OXER1: variants seen among roughly 807,000 people sequenced by gnomAD.
OXER1 encodes the protein 5-oxo-ETE G-protein coupled receptor.
For missense variants in OXER1, 587 were observed against 551.7 expected (o/e 1.06, Z -0.64); for synonymous variants, 258 against 245.8 (o/e 1.05, Z -0.47).
the OXER1 span, chr2:42,763,321 G>GC: frequency 6.2e-7 from 1 of 1,613,020 alleles, no homozygotes; most frequent in Non-Finnish European, 8.5e-7. The surrounding 1 kb of genome is among the most constrained non-coding windows in gnomAD (Gnocchi z 4.4). Flanking sequence ...GGGCCTGCCT[G>GC]CCCGCCCAGA....
At position 42,763,059 on chromosome 2, in the gene OXER1, C is replaced by G. The variant is rs767104653; in HGVS notation, c.1121G>C (p.Arg374Pro). The change falls in exon 1 of 1, where the codon CGG becomes CCG. Residue 374 changes from arginine to proline, a missense_variant. By Grantham distance (103) the Arg-to-Pro change is moderately radical (BLOSUM62 -2). Transcript: ENST00000378661. This position sits in a 1 kb window ranked among gnomAD's most constrained non-coding sequence, Gnocchi z 4.4. ...GTCGCTCACTGGGCCCTGCCGGCCC[C>G]GCGTGAGGCCCAGCAAGGCCCGGCT... 6.2e-7 allele frequency: 1 copy of G among 1,614,110 alleles called. No homozygotes were observed. Among genetic ancestry groups the G allele is most frequent in the South Asian group, 1.1e-5 (1 of 91,084 alleles).
rs200615729 is a variant in OXER1, at chr2:42,763,244, G to C, written c.936C>G (p.Ile312Met). The change falls in exon 1 of 1, where the codon ATC becomes ATG. Residue 312 changes from isoleucine (I) to methionine (M), a missense_variant. Coordinates refer to ENST00000378661, the Ensembl canonical transcript of OXER1. This position sits in a 1 kb window ranked among gnomAD's most constrained non-coding sequence, Gnocchi z 4.4. ...CCACCATGGAAGCCATGCCAAAGATGATGCTGGGCAAGAAGCAGATGGTGT... is the reference window on the plus strand; with the variant it reads ...CCACCATGGAAGCCATGCCAAAGATCATGCTGGGCAAGAAGCAGATGGTGT... The C allele has an allele frequency of 5.5e-5, 89 of 1,612,122 alleles. No homozygotes were observed. Among genetic ancestry groups the C allele is most frequent in the Non-Finnish European group, 6.4e-5 (75 of 1,179,312 alleles).
Position 42,763,926 on chromosome 2 carries a change from G to A in OXER1, c.254C>T (p.Pro85Leu). 2 of 1,613,908 alleles carry A rather than the reference G, an allele frequency of 1.2e-6. No individual in the cohort carries two copies. The highest frequency in any genetic ancestry group is 1.7e-6 in the Non-Finnish European group (2 of 1,180,004). The change falls in exon 1 of 1, where the codon CCC becomes CTC. Residue 85 changes from proline (P) to leucine (L), a missense_variant. Pro to Leu is a moderately conservative substitution (Grantham distance 98). Coordinates refer to ENST00000378661, the Ensembl canonical transcript of OXER1. The surrounding 1 kb of genome is among the most constrained non-coding windows in gnomAD (Gnocchi z 4.4). Reference sequence around the variant, plus strand: ...GGCAGACACCAGCGAGGAAGAGGTGGGGTGGCAGGGCCCTCCAGAGGACCC... The same window carrying A: ...GGCAGACACCAGCGAGGAAGAGGTGAGGTGGCAGGGCCCTCCAGAGGACCC...
chr2:42,762,842 C>G, exon 1 of OXER1: 1 of 1,508,968 alleles, frequency 6.6e-7, no homozygotes, highest in East Asian at 2.3e-5. Flanking sequence ...GTGTGCTGGC[C>G]TTGTCCCTCC....
In OXER1 at chr2:42,763,891, G is replaced by A. The variant is rs781570920; in HGVS notation, c.289C>T (p.Pro97Ser). ...AGGACAAACTCCAGGGCCAGGATTG[G>A]TGCCAGGAAGGCAGACACCAGCGAG... Residue 97 changes from proline to serine, a missense_variant, in exon 1 of 1, where the codon CCA (proline) becomes TCA (serine). By Grantham distance (74) the Pro-to-Ser change is moderately conservative. Coordinates refer to ENST00000378661, the Ensembl canonical transcript of OXER1. This position sits in a 1 kb window ranked among gnomAD's most constrained non-coding sequence, Gnocchi z 4.4. The A allele has an allele frequency of 6.2e-6, 10 of 1,614,002 alleles. No homozygotes were observed. The Admixed American group carries it at 1.5e-4, about 24-fold the overall frequency.
In OXER1 at chr2:42,763,642, C is replaced by T. The variant is rs200764134; in HGVS notation, c.538G>A (p.Val180Ile). 64 of 1,613,742 alleles carry T rather than the reference C, an allele frequency of 4.0e-5. 1 individual carries two copies. Among genetic ancestry groups the T allele is most frequent in the Non-Finnish European group, 4.8e-5 (57 of 1,179,870 alleles). ...AGTGCGATGGCTGTGAGGAAGACAA[C>T]GCTGGCCGTGCGGTTGGTGGACAGC... The change falls in exon 1 of 1, where the codon GTT becomes ATT. Residue 180 changes from valine to isoleucine, a missense_variant. Transcript: ENST00000378661. The surrounding 1 kb of genome is among the most constrained non-coding windows in gnomAD (Gnocchi z 4.4).
chr2:42,763,126 G>A lies in OXER1; in HGVS notation c.1054C>T (p.Pro352Ser). 1 of 1,614,168 alleles carries A rather than the reference G, an allele frequency of 6.2e-7. No homozygotes were observed. Among genetic ancestry groups the A allele is most frequent in the East Asian group, 2.2e-5 (1 of 44,878 alleles). The change falls in exon 1 of 1, where the codon CCC becomes TCC. Residue 352 changes from proline (P) to serine (S), a missense_variant. Physicochemically the swap from Pro to Ser is moderately conservative, Grantham distance 74 (BLOSUM62 -1). Transcript: ENST00000378661. The surrounding 1 kb of genome is among the most constrained non-coding windows in gnomAD (Gnocchi z 4.4). The stretch of plus-strand genomic sequence containing the variant: ...GGGCTAGAGAAGCAGTAGAGCACGG[G>A]GTCCAGGACACTGTTGAGGTAGGTG...
Position 42,763,365 on chromosome 2 carries a change from A to G in OXER1, c.815T>C (p.Ile272Thr), listed in dbSNP as rs779517471. Residue 272 changes from isoleucine (I) to threonine (T), a missense_variant, in exon 1 of 1, where the codon ATT becomes ACT. Transcript: ENST00000378661. The surrounding 1 kb of genome is among the most constrained non-coding windows in gnomAD (Gnocchi z 4.4). ...CCGGATGGTGAGCCCAATGCTCACA[A>G]TAGCAAAGAGGATGAGCGCCAGTGG... 6.2e-6 allele frequency: 10 copies of G among 1,611,064 alleles called. No individual in the cohort carries two copies. The Admixed American group carries it at 6.7e-5, about 11-fold the overall frequency.
Position 42,763,877 on chromosome 2 carries a change from C to T in OXER1, c.303G>A (p.Leu101=), listed in dbSNP as rs758310907. The T allele has an allele frequency of 2.5e-6, 4 of 1,613,960 alleles. No individual in the cohort carries two copies. In the East Asian group the frequency reaches 6.7e-5, roughly 27 times the overall value. ...TCCCCACCAGGCCCAGGACAAACTC[C>T]AGGGCCAGGATTGGTGCCAGGAAGG... Residue 101 remains leucine (L), a synonymous_variant, in exon 1 of 1, where the codon CTG becomes CTA. Coordinates refer to ENST00000378661, the Ensembl canonical transcript of OXER1. The surrounding 1 kb of genome is among the most constrained non-coding windows in gnomAD (Gnocchi z 4.4).
In OXER1 at chr2:42,763,100, G is replaced by T. The variant is rs1670515352; in HGVS notation, c.1080C>A (p.Pro360=). Residue 360 remains proline (P), a synonymous_variant, in exon 1 of 1, where the codon CCC becomes CCA. Transcript: ENST00000378661. This position sits in a 1 kb window ranked among gnomAD's most constrained non-coding sequence, Gnocchi z 4.4. ...AGGCCCGGCTCTGGTGGAGGAAGTT[G>T]GGGCTAGAGAAGCAGTAGAGCACGG... 7 of 1,614,068 alleles carry T rather than the reference G, an allele frequency of 4.3e-6. No homozygotes were observed. The highest frequency in any genetic ancestry group is 5.9e-6 in the Non-Finnish European group (7 of 1,180,032).
In OXER1 at chr2:42,763,079, C is replaced by T. The variant is rs747117114; in HGVS notation, c.1101G>A (p.Arg367=). ...GGCCCCGCGTGAGGCCCAGCAAGGC[C>T]CGGCTCTGGTGGAGGAAGTTGGGGC... Residue 367 remains arginine, a synonymous_variant, in exon 1 of 1, where the codon CGG becomes CGA. Transcript: ENST00000378661. The surrounding 1 kb of genome is among the most constrained non-coding windows in gnomAD (Gnocchi z 4.4). The T allele has an allele frequency of 6.2e-7, 1 of 1,614,142 alleles. No individual in the cohort carries two copies. The highest frequency in any genetic ancestry group is 1.1e-5 in the South Asian group (1 of 91,086).
rs144634528 is a variant in OXER1, at chr2:42,763,097, G to C, written c.1083C>G (p.Asn361Lys). 766 of 1,614,184 alleles carry C rather than the reference G, an allele frequency of 4.7e-4. 4 individuals carry two copies. In the African/African-American group the frequency reaches 8.1e-3, roughly 17 times the overall value. ...GCAAGGCCCGGCTCTGGTGGAGGAA[G>C]TTGGGGCTAGAGAAGCAGTAGAGCA... Residue 361 changes from asparagine to lysine, a missense_variant, in exon 1 of 1, where the codon AAC becomes AAG. By Grantham distance (94) the Asn-to-Lys change is moderately conservative. Coordinates refer to ENST00000378661, the Ensembl canonical transcript of OXER1. This position sits in a 1 kb window ranked among gnomAD's most constrained non-coding sequence, Gnocchi z 4.4.
rs1401274119 is a variant in OXER1, at chr2:42,763,502, G to A, written c.678C>T (p.His226=). 1.3e-6 allele frequency: 2 copies of A among 1,555,110 alleles called. No homozygotes were observed. The highest frequency in any genetic ancestry group is 1.7e-6 in the Non-Finnish European group (2 of 1,149,640). Residue 226 remains histidine, a synonymous_variant, in exon 1 of 1, where the codon CAC becomes CAT. Coordinates refer to ENST00000378661, the Ensembl canonical transcript of OXER1. This position sits in a 1 kb window ranked among gnomAD's most constrained non-coding sequence, Gnocchi z 4.4. ...GGCCGGAGAAGGTGCTCAGGAGCAG[G>A]TGCCCGTTGAGGAGCAGGATGCCCA...
Position 42,763,493 on chromosome 2 carries a change from C to G in OXER1, c.687G>C (p.Leu229=). 3.2e-6 allele frequency: 5 copies of G among 1,555,774 alleles called. No homozygotes were observed. Among genetic ancestry groups the G allele is most frequent in the Non-Finnish European group, 4.3e-6 (5 of 1,149,946 alleles). Reference sequence around the variant, plus strand: ...GGCAGGAGGGGCCGGAGAAGGTGCTCAGGAGCAGGTGCCCGTTGAGGAGCA... The same window carrying G: ...GGCAGGAGGGGCCGGAGAAGGTGCTGAGGAGCAGGTGCCCGTTGAGGAGCA... The change falls in exon 1 of 1, where the codon CTG becomes CTC. Residue 229 remains leucine (L), a synonymous_variant. Coordinates refer to ENST00000378661, the Ensembl canonical transcript of OXER1. This position sits in a 1 kb window ranked among gnomAD's most constrained non-coding sequence, Gnocchi z 4.4.
At position 42,763,077 on chromosome 2, in the gene OXER1, G is replaced by A. The variant is rs76606481; in HGVS notation, c.1103C>T (p.Ala368Val). ...CCGGCCCCGCGTGAGGCCCAGCAAG[G>A]CCCGGCTCTGGTGGAGGAAGTTGGG... Residue 368 changes from alanine (A) to valine (V), a missense_variant, in exon 1 of 1, where the codon GCC (alanine) becomes GTC (valine). Physicochemically the swap from Ala to Val is moderately conservative, Grantham distance 64 (BLOSUM62 0). Transcript: ENST00000378661. The surrounding 1 kb of genome is among the most constrained non-coding windows in gnomAD (Gnocchi z 4.4). The A allele has an allele frequency of 4.5e-3, 7,190 of 1,614,140 alleles. 297 individuals carry two copies. The African/African-American group carries it at 0.084, about 19-fold the overall frequency.
rs772733368 is a variant in OXER1, at chr2:42,763,907, C to T, written c.273G>A (p.Val91=). 6.2e-7 allele frequency: 1 copy of T among 1,613,832 alleles called. No homozygotes were observed. The highest frequency in any genetic ancestry group is 8.5e-7 in the Non-Finnish European group (1 of 1,180,014). The change falls in exon 1 of 1, where the codon GTG becomes GTA. Residue 91 remains valine, a synonymous_variant. Transcript: ENST00000378661. This position sits in a 1 kb window ranked among gnomAD's most constrained non-coding sequence, Gnocchi z 4.4. ...CCAGGATTGGTGCCAGGAAGGCAGA[C>T]ACCAGCGAGGAAGAGGTGGGGTGGC... is the stretch of plus-strand genomic sequence containing the variant.
In OXER1 at chr2:42,762,677, C is replaced by A. The variant is rs554192566; in HGVS notation, c.*231G>T. The A allele has an allele frequency of 5.7e-5, 31 of 542,714 alleles. No homozygotes were observed. In the East Asian group the frequency reaches 9.1e-4, roughly 16 times the overall value. The allele number at this position is 542,714 out of a possible 1,614,324, so 33.6% of individuals were successfully genotyped here. ...CGGCACCTTGCCTGTCTCCTCCACC[C>A]GGCATCCTGCTCTCCCCTGCATTCT... On this transcript the variant is annotated 3_prime_UTR_variant, in exon 1 of 1. Coordinates refer to ENST00000378661, the Ensembl canonical transcript of OXER1.
chr2:42,763,567 A>C lies in OXER1; in HGVS notation c.613T>G (p.Ser205Ala). The C allele has an allele frequency of 1.3e-6, 2 of 1,580,576 alleles. No homozygotes were observed. Among genetic ancestry groups the C allele is most frequent in the Non-Finnish European group, 1.7e-6 (2 of 1,163,800 alleles). The change falls in exon 1 of 1, where the codon TCC becomes GCC. Residue 205 changes from serine to alanine, a missense_variant. By Grantham distance (99) the Ser-to-Ala change is moderately conservative (BLOSUM62 1). Transcript: ENST00000378661. The surrounding 1 kb of genome is among the most constrained non-coding windows in gnomAD (Gnocchi z 4.4). ...GCCACCCGGGCAGCTGCCCCCACGG[A>C]AGCACGGCTCAGCACGTGGTGGGGC...
rs191543274 is a variant in OXER1 at position 42,763,428 on chromosome 2, C to T, written c.752G>A (p.Arg251His). ...CAGCAGGTACAGTGCCTGGTGCCAGCGGAGCGAGGCCGAGGGCTTCGTGCC... is the reference window on the plus strand; with the variant it reads ...CAGCAGGTACAGTGCCTGGTGCCAGTGGAGCGAGGCCGAGGGCTTCGTGCC... Residue 251 changes from arginine to histidine, a missense_variant, in exon 1 of 1, where the codon CGC (arginine) becomes CAC (histidine). Arg to His is a conservative substitution (Grantham distance 29). Coordinates refer to ENST00000378661, the Ensembl canonical transcript of OXER1. This position sits in a 1 kb window ranked among gnomAD's most constrained non-coding sequence, Gnocchi z 4.4. 2.3e-4 allele frequency: 360 copies of T among 1,580,704 alleles called. 3 individuals are homozygous for T. The South Asian group carries it at 3.3e-3, about 14-fold the overall frequency.
Sources: gnomAD v4.1 joint callset for allele counts on GRCh38, gnomAD v4.1.1 for gene constraint, Gnocchi (gnomAD v3.1) non-coding constraint, MANE v1.5 for transcripts, NCBI Gene and HGNC (gene_info 2026-07-23, HGNC 2026-07-21) for gene names.